The following BCL2A1 variants were observed in gnomAD, a reference collection of about 807,000 sequenced individuals.
The protein encoded by BCL2A1 is bcl-2-related protein A1.
Under a neutral mutation model 14.4 loss-of-function variants are expected in BCL2A1, and 10 were observed. The ratio of observed to expected loss-of-function variants is 0.69; its 90% CI spans 0.43 to 1.18. The LOEUF (loss-of-function observed/expected upper bound fraction) is 1.18, where lower values mean the gene tolerates loss of function less well. BCL2A1 is among the 50% of genes most tolerant of loss of function. The pLI, the probability that BCL2A1 is intolerant of heterozygous loss-of-function variation, is 0.00. For synonymous variants in BCL2A1, 71 were observed against 76.5 expected (o/e 0.93, Z 0.38); for missense variants, 158 against 205.0 (o/e 0.77, Z 1.40).
chr15:79,961,574 T>C (rs2035491033), intron 1 of BCL2A1, among the ~76,000 whole-genome samples: 1 of 152,192 alleles, frequency 6.6e-6, no homozygotes, highest in African/African-American at 2.4e-5. Flanking sequence ...AGCACAGCTC[T>C]AGAGGATAGA....
At chr15:79,964,917 G>T (rs186459359) in intron 1 of BCL2A1, among the ~76,000 whole-genome samples, 1 of 152,282 alleles carries the variant, frequency 6.6e-6, no homozygotes, top group East Asian at 1.9e-4. Context: ...AAGTGCAAAG[G>T]CCTTGAGGGT....
chr15:79,964,842 A>G (rs139222911), intron 1 of BCL2A1, among the ~76,000 whole-genome samples: 6 of 152,350 alleles, frequency 3.9e-5, no homozygotes, highest in African/African-American at 1.2e-4. Flanking sequence ...CAGAGGCCTG[A>G]GCAAAGGGAA....
At chr15:79,961,589 C>T (rs1039630514) in intron 1 of BCL2A1, among the ~76,000 whole-genome samples, 1 of 151,072 alleles carries the variant, frequency 6.6e-6, no homozygotes, top group Non-Finnish European at 1.5e-5. Flanking sequence ...GATAGAAAGC[C>T]TTTTTTTTTC....
chr15:79,967,562 T>G, intron 1 of BCL2A1: 1 of 1,482,450 alleles, frequency 6.7e-7, no homozygotes, highest in East Asian at 2.4e-5. Flanking sequence ...TCTGGGCAAT[T>G]TTAACATTTA....
At chr15:79,964,437 C>A (rs1442422799) in intron 1 of BCL2A1, among the ~76,000 whole-genome samples, 2 of 152,140 alleles carry the variant, frequency 1.3e-5, no homozygotes, top group Non-Finnish European at 2.9e-5. Context: ...CCACTGCACT[C>A]CAGCCTGGGT....
rs397977008 is a variant in BCL2A1 at position 79,967,930 on chromosome 15, TAA to T, written c.420+2768_420+2769del. Among the ~76,000 whole-genome samples the T allele has an allele frequency of 4.8e-3, 690 of 144,276 alleles. 9 individuals carry two copies. Among genetic ancestry groups the T allele is most frequent in the African/African-American group, 0.017 (670 of 39,562 alleles). 94.7% of individuals were successfully genotyped at this position (144,276 alleles called of 152,430 possible). On this transcript the variant is annotated intron_variant, in intron 1 of 1. Coordinates refer to ENST00000267953, the MANE Select transcript of BCL2A1 (RefSeq NM_004049.4). ...ACTTGAACTATTCAGGTGTTTTTTT[TAA>T]AAAAAAAAAAGAGCTTGGAAACTTT...
chr15:79,967,592 G>A (rs1304698720), intron 1 of BCL2A1: 2 of 1,566,416 alleles, frequency 1.3e-6, no homozygotes, highest in Admixed American at 1.8e-5. Flanking sequence ...TAGATTGTAT[G>A]TGCTCACATC....
At chr15:79,963,438 T>C (rs1054807521) in intron 1 of BCL2A1, among the ~76,000 whole-genome samples, 1 of 152,110 alleles carries the variant, frequency 6.6e-6, no homozygotes, top group African/African-American at 2.4e-5. Flanking sequence ...AAGAGAGAAA[T>C]ATAAATTATT....
Position 79,970,801 on chromosome 15 carries a change from G to A in BCL2A1, c.319C>T (p.Gln107Ter). 1 of 1,614,176 alleles carries A rather than the reference G, an allele frequency of 6.2e-7. No homozygotes were observed. Among genetic ancestry groups the A allele is most frequent in the Non-Finnish European group, 8.5e-7 (1 of 1,180,022 alleles). The change falls in exon 1 of 2, where the codon CAA (glutamine) becomes TAA (stop). Residue 107 changes from glutamine to a stop codon, truncating the protein, a stop_gained. Coordinates refer to ENST00000267953, the MANE Select transcript of BCL2A1 (RefSeq NM_004049.4). LOFTEE classifies it high-confidence loss of function. ...GILIKKLLRQ[Q>*]IAPDVDTYKE... is the part of the protein sequence containing the mutation. ...TAGGTATCCACATCCGGGGCAATTT[G>A]CTGTCGTAGAAGTTTCTTGATGAGA... is the stretch of plus-strand genomic sequence containing the variant.
At chr15:79,970,560 T>C (rs1181138939) in intron 1 of BCL2A1, 140 bp downstream of exon 1, 3 of 886,354 alleles carry the variant, frequency 3.4e-6, no homozygotes, top group Non-Finnish European at 5.1e-6. Flanking sequence ...AGTATATTTT[T>C]ATTTTAAAAA....
intron 1 of BCL2A1, among the ~76,000 whole-genome samples, chr15:79,967,374 G>A (rs1250587037): frequency 1.3e-5 from 2 of 151,860 alleles, no homozygotes; most frequent in Non-Finnish European, 2.9e-5. Context: ...CCGCCACCAG[G>A]CCCTGCTAAT....
intron 1 of BCL2A1, among the ~76,000 whole-genome samples, chr15:79,970,059 T>C (rs2035579556): frequency 6.6e-6 from 1 of 152,134 alleles, no homozygotes; most frequent in Non-Finnish European, 1.5e-5. Flanking sequence ...TGAAAATTCT[T>C]GAATAAAGGT....
chr15:79,964,269 A>G (rs2035517018), intron 1 of BCL2A1, among the ~76,000 whole-genome samples: 1 of 152,182 alleles, frequency 6.6e-6, no homozygotes, highest in African/African-American at 2.4e-5. Flanking sequence ...AATAATATAC[A>G]GTATCAATAG....
At chr15:79,964,173 A>G (rs1743440008) in intron 1 of BCL2A1, among the ~76,000 whole-genome samples, 1 of 152,244 alleles carries the variant, frequency 6.6e-6, no homozygotes, top group African/African-American at 2.4e-5. Flanking sequence ...GTAGTAAATA[A>G]GAATAGTTCA....
At chr15:79,962,239 T>C (rs1372173756) in intron 1 of BCL2A1, among the ~76,000 whole-genome samples, 2 of 152,104 alleles carry the variant, frequency 1.3e-5, no homozygotes, top group Non-Finnish European at 2.9e-5. Flanking sequence ...AGCTCTGCGG[T>C]GCCTTGGAAT....
At chr15:79,961,220 G>C in intron 1 of BCL2A1, 46 bp from the exon 2 acceptor site, 1 of 1,566,102 alleles carries the variant, frequency 6.4e-7, no homozygotes, top group Non-Finnish European at 8.8e-7. Flanking sequence ...TGGAGATTAA[G>C]TATGCTGGAA....
intron 1 of BCL2A1, among the ~76,000 whole-genome samples, chr15:79,962,864 C>T (rs1020729219): frequency 4.6e-4 from 69 of 151,478 alleles, no homozygotes; most frequent in African/African-American, 1.6e-3. Flanking sequence ...ATTATTATGA[C>T]AACGATCATT....
intron 1 of BCL2A1, 95 bp from the exon 2 acceptor site, chr15:79,961,269 G>A: frequency 8.4e-7 from 1 of 1,191,290 alleles, no homozygotes; most frequent in Non-Finnish European, 1.2e-6. Flanking sequence ...AGTGCAAATA[G>A]TTAATCTTCT....
rs200248795 is a variant in BCL2A1 at position 79,969,684 on chromosome 15, T to C, written c.420+1016A>G. Among the ~76,000 whole-genome samples the C allele has an allele frequency of 2.6e-4, 40 of 152,358 alleles. No homozygotes were observed. In the East Asian group the frequency reaches 7.1e-3, roughly 27 times the overall value. Reference sequence around the variant, plus strand: ...ATATGTAAAAAAGGTATGTGTTATATGGTATAACATATATGTTATGTAAAA... The same window carrying C: ...ATATGTAAAAAAGGTATGTGTTATACGGTATAACATATATGTTATGTAAAA... On this transcript the variant is annotated intron_variant, in intron 1 of 1. Transcript: ENST00000267953.
Sources: gnomAD v4.1 joint callset for allele counts (sites outside exome capture counted in the v4.1 genomes callset) on GRCh38, gnomAD v4.1.1 for gene constraint, MANE v1.5 for transcripts, NCBI Gene and HGNC (gene_info 2026-07-23, HGNC 2026-07-21) for gene names.